The following LRRC7 variants were observed in gnomAD, a reference collection of about 807,000 sequenced individuals.
LRRC7 encodes the protein leucine-rich repeat-containing protein 7.
Under a neutral mutation model 175.7 loss-of-function variants are expected in LRRC7, and 23 were observed. The observed-to-expected ratio is 0.13, with a 90% CI of 0.09 to 0.19. The LOEUF (loss-of-function observed/expected upper bound fraction) is 0.19, where lower values mean the gene tolerates loss of function less well. Among genes scored for constraint, LRRC7 ranks in the 10% least tolerant of loss-of-function variants. LRRC7 has a pLI of 1.00. For synonymous variants in LRRC7, 685 were observed against 680.9 expected (o/e 1.01, Z -0.09); for missense variants, 1,354 against 1,904.7 (o/e 0.71, Z 5.38).
intron 1 of LRRC7, among the ~76,000 whole-genome samples, chr1:69,604,355 A>G (rs1479626880): frequency 6.6e-6 from 1 of 152,174 alleles, no homozygotes; most frequent in African/African-American, 2.4e-5. Flanking sequence ...TTCATTTTAA[A>G]TGTGTCAATA....
chr1:69,906,315 T>C (rs1196091326), intron 7 of LRRC7, among the ~76,000 whole-genome samples: 4 of 152,242 alleles, frequency 2.6e-5, no homozygotes, highest in Non-Finnish European at 5.9e-5. Flanking sequence ...TTTGGTGTTT[T>C]AGACATGAAG....
chr1:69,889,473 A>G (rs910162372), intron 7 of LRRC7, among the ~76,000 whole-genome samples: 1 of 152,158 alleles, frequency 6.6e-6, no homozygotes, highest in Non-Finnish European at 1.5e-5. Context: ...TCATTTCAAC[A>G]ATGTTCACAG....
chr1:69,618,479 A>G (rs949121562), intron 1 of LRRC7, among the ~76,000 whole-genome samples: 1 of 152,166 alleles, frequency 6.6e-6, no homozygotes, highest in Non-Finnish European at 1.5e-5. Flanking sequence ...CATCAGACAT[A>G]GTTGGAGAGG....
chr1:69,688,151 T>C (rs976937920), intron 2 of LRRC7, among the ~76,000 whole-genome samples: 2 of 152,206 alleles, frequency 1.3e-5, no homozygotes, highest in Non-Finnish European at 2.9e-5. Context: ...TGCCAATGAA[T>C]CTGGGATTGA....
At chr1:69,693,383 G>A (rs192493110) in intron 2 of LRRC7, among the ~76,000 whole-genome samples, 1 of 152,162 alleles carries the variant, frequency 6.6e-6, no homozygotes, top group Admixed American at 6.5e-5. Context: ...TGTATGTATA[G>A]AGAGAGATTT....
intron 5 of LRRC7, among the ~76,000 whole-genome samples, chr1:69,832,981 T>C (rs1680695703): frequency 6.6e-6 from 1 of 152,064 alleles, no homozygotes; most frequent in African/African-American, 2.4e-5. Flanking sequence ...GGCAGGTGCC[T>C]GTGATCCCAT....
intron 4 of LRRC7, among the ~76,000 whole-genome samples, chr1:69,824,360 T>G (rs1679647834): frequency 6.6e-6 from 1 of 152,182 alleles, no homozygotes; most frequent in Non-Finnish European, 1.5e-5. Flanking sequence ...CTTTTTTTAG[T>G]GACTATTTAA....
At chr1:70,051,003 C>T (rs952371119) in intron 22 of LRRC7, among the ~76,000 whole-genome samples, 1 of 151,906 alleles carries the variant, frequency 6.6e-6, no homozygotes, top group South Asian at 2.1e-4. Flanking sequence ...TTCCTTTTGG[C>T]CCCTGTAATA....
In LRRC7 at chr1:70,125,160, A is replaced by T. The variant is rs1327896578; in HGVS notation, c.*3273A>T. On this transcript the variant is annotated 3_prime_UTR_variant, in exon 27 of 27. Coordinates refer to ENST00000651989, the MANE Select transcript of LRRC7 (RefSeq NM_001370785.2). ...CAAAGTCAGTATGAAATAAAACATT[A>T]TGCTAATGTATTGCTCATTGAAGCC... 6.6e-6 allele frequency among the ~76,000 whole-genome samples: 1 copy of T among 152,248 alleles called. No homozygotes were observed. The highest frequency in any genetic ancestry group is 1.5e-5 in the Non-Finnish European group (1 of 68,044).
At chr1:69,985,244 T>C (rs181448052) in intron 9 of LRRC7, among the ~76,000 whole-genome samples, 87 of 152,332 alleles carry the variant, frequency 5.7e-4, no homozygotes, top group Admixed American at 2.6e-3. Flanking sequence ...TATTCTTGAT[T>C]GTTCTTGAAT....
chr1:70,113,514 C>T (rs1308039302), intron 26 of LRRC7, among the ~76,000 whole-genome samples: 2 of 152,146 alleles, frequency 1.3e-5, no homozygotes, highest in African/African-American at 4.8e-5. Context: ...TAGCCAACAG[C>T]TTCACTCTGC....
intron 8 of LRRC7, among the ~76,000 whole-genome samples, chr1:69,955,367 A>G (rs1038231179): frequency 3.3e-5 from 5 of 152,052 alleles, no homozygotes; most frequent in African/African-American, 9.7e-5. Context: ...TGATATTGCA[A>G]TGAAATCTAA....
At chr1:69,820,434 A>C (rs1210060909) in intron 4 of LRRC7, among the ~76,000 whole-genome samples, 1 of 152,164 alleles carries the variant, frequency 6.6e-6, no homozygotes, top group African/African-American at 2.4e-5. Context: ...TTTGTTATGT[A>C]GGTATACACG....
intron 1 of LRRC7, among the ~76,000 whole-genome samples, chr1:69,589,118 GT>G (rs1557443163): frequency 5.7e-4 from 8 of 14,114 alleles, no homozygotes; most frequent in African/African-American, 5.5e-3. Context: ...TAAAAAGGGT[GT>G]GTGTGTGTGT....
chr1:70,019,043 A>G (rs1657212597), intron 15 of LRRC7, among the ~76,000 whole-genome samples: 1 of 152,036 alleles, frequency 6.6e-6, no homozygotes, highest in African/African-American at 2.4e-5. Flanking sequence ...TATATCTTAC[A>G]TAAAAATAAT....
At chr1:69,608,417 C>G (rs549441295) in intron 1 of LRRC7, 12 of 152,186 alleles carry the variant, frequency 7.9e-5, no homozygotes, top group African/African-American at 2.9e-4. Flanking sequence ...TCACCTATGA[C>G]TTCTGCAAGG....
chr1:69,685,316 A>G (rs1386609830), intron 2 of LRRC7, among the ~76,000 whole-genome samples: 1 of 152,162 alleles, frequency 6.6e-6, no homozygotes, highest in Non-Finnish European at 1.5e-5. Context: ...AAATATTCAA[A>G]ATGCAGTTGA....
At chr1:69,777,604 T>C (rs1312527951) in intron 3 of LRRC7, among the ~76,000 whole-genome samples, 2 of 152,204 alleles carry the variant, frequency 1.3e-5, no homozygotes, top group Non-Finnish European at 2.9e-5. Context: ...CCTTGAAACC[T>C]ATCTCCTGTC....
At chr1:69,635,259 A>T (rs886775354) in intron 1 of LRRC7, among the ~76,000 whole-genome samples, 1 of 152,092 alleles carries the variant, frequency 6.6e-6, no homozygotes, top group African/African-American at 2.4e-5. Context: ...ACATGATCTC[A>T]TTCTTATTTA....
Sources: gnomAD v4.1 joint callset for allele counts (sites outside exome capture counted in the v4.1 genomes callset) on GRCh38, gnomAD v4.1.1 for gene constraint, MANE v1.5 for transcripts, NCBI Gene and HGNC (gene_info 2026-07-23, HGNC 2026-07-21) for gene names.